Variants in FGF14 observed in about 807,000 individuals in gnomAD.
FGF14 encodes the protein fibroblast growth factor 14.
A neutral mutation model predicts 25.5 loss-of-function variants in FGF14; 5 were observed. The observed-to-expected ratio is 0.20, with a 90% CI of 0.10 to 0.41. The LOEUF is 0.41. Ranked by LOEUF, FGF14 falls within the 10% of genes least tolerant of loss-of-function variation. The probability of loss-of-function intolerance (pLI) is 1.00; values close to 1 mark genes in which losing one functional copy is unlikely to be tolerated. For missense variants in FGF14, 222 were observed against 320.1 expected, an observed-to-expected ratio of 0.69 and a Z score of 2.34; for synonymous variants, 138 against 118.3, an observed-to-expected ratio of 1.17 and a Z score of -1.08.
intron 1 of FGF14, among the ~76,000 whole-genome samples, chr13:102,014,895 T>A (rs1201848072): frequency 6.6e-6 from 1 of 152,140 alleles, no homozygotes; most frequent in Non-Finnish European, 1.5e-5. Context: ...TCAAAAAGAT[T>A]TTTCTATTCT....
intron 1 of FGF14, among the ~76,000 whole-genome samples, chr13:101,939,976 A>G (rs2035338920): frequency 6.6e-6 from 1 of 152,246 alleles, no homozygotes; most frequent in Admixed American, 6.5e-5. Context: ...ATATTACAAC[A>G]GACAGAACAA....
chr13:101,903,937 C>A (rs552547423), intron 1 of FGF14, among the ~76,000 whole-genome samples: 18 of 152,218 alleles, frequency 1.2e-4, no homozygotes, highest in African/African-American at 4.8e-5. Flanking sequence ...GTCATGGATA[C>A]CTTAAGTATC....
At chr13:101,739,303 A>C (rs890749310) in intron 3 of FGF14, among the ~76,000 whole-genome samples, 1 of 151,986 alleles carries the variant, frequency 6.6e-6, no homozygotes, top group Non-Finnish European at 1.5e-5. Context: ...TTTAGCCATC[A>C]CTGTTCTTGA....
intron 3 of FGF14, among the ~76,000 whole-genome samples, chr13:101,853,747 T>G (rs1473805120): frequency 6.6e-6 from 1 of 152,072 alleles, no homozygotes; most frequent in Non-Finnish European, 1.5e-5. Flanking sequence ...TGAGCCACCA[T>G]GCATGGCCAT....
intron 1 of FGF14, among the ~76,000 whole-genome samples, chr13:101,909,660 C>T (rs2139060832): frequency 6.6e-6 from 1 of 152,278 alleles, no homozygotes; most frequent in Non-Finnish European, 1.5e-5. Context: ...TAAACTAGTT[C>T]AACCATTGTG....
At chr13:102,148,140 G>T (rs2046930875) in intron 1 of FGF14, among the ~76,000 whole-genome samples, 1 of 152,070 alleles carries the variant, frequency 6.6e-6, no homozygotes, top group Non-Finnish European at 1.5e-5. Flanking sequence ...CATCCTACAT[G>T]AGAAGCTCAT....
rs766319111 is a variant in FGF14, at chr13:101,726,596, C to A, written c.607+16G>T. The A allele has an allele frequency of 6.2e-7, 1 of 1,608,480 alleles. No homozygotes were observed. ...GTAATAAGTCTATGTAATAATAATGCATGCATAATACTCACCTTCCAATGG... is the reference window on the plus strand; with the variant it reads ...GTAATAAGTCTATGTAATAATAATGAATGCATAATACTCACCTTCCAATGG... On this transcript the variant is annotated intron_variant, in intron 4 of 4. Transcript: ENST00000376143.
chr13:101,954,207 C>A (rs1396300954), intron 1 of FGF14, among the ~76,000 whole-genome samples: 1 of 151,442 alleles, frequency 6.6e-6, no homozygotes, highest in African/African-American at 2.4e-5. Context: ...TCAGACTCAA[C>A]TCTGTAACGT....
chr13:102,211,836 C>T (rs968009215), intron 1 of FGF14, among the ~76,000 whole-genome samples: 50 of 152,158 alleles, frequency 3.3e-4, no homozygotes, highest in Admixed American at 2.4e-3. Flanking sequence ...CACTCTAGAT[C>T]GCTTTTCATA....
chr13:101,870,339 A>T (rs1214232828), intron 2 of FGF14, among the ~76,000 whole-genome samples: 1 of 152,062 alleles, frequency 6.6e-6, no homozygotes, highest in African/African-American at 2.4e-5. Context: ...AAGAATGGGC[A>T]CCATAGAATA....
chr13:102,070,303 A>G (rs909713107), intron 1 of FGF14, among the ~76,000 whole-genome samples: 32 of 152,240 alleles, frequency 2.1e-4, no homozygotes, highest in African/African-American at 7.5e-4. Flanking sequence ...CATTGATCAG[A>G]GAAATGCAAA....
chr13:102,156,689 G>A (rs968346079), intron 1 of FGF14, among the ~76,000 whole-genome samples: 1 of 152,086 alleles, frequency 6.6e-6, no homozygotes, highest in Non-Finnish European at 1.5e-5. Context: ...GGAAATAAAT[G>A]GTATTCAATT....
At chr13:102,122,051 A>G (rs1348086320) in intron 1 of FGF14, among the ~76,000 whole-genome samples, 1 of 152,242 alleles carries the variant, frequency 6.6e-6, no homozygotes, top group Non-Finnish European at 1.5e-5. Flanking sequence ...GTGATTACAC[A>G]AATTCATGGG....
rs2052059196 is a variant in FGF14 at position 102,249,548 on chromosome 13, G to GT, written c.208+151922_208+151923insA. 4.3e-5 allele frequency among the ~76,000 whole-genome samples: 4 copies of GT among 93,568 alleles called. No homozygotes were observed. The East Asian group carries it at 1.2e-3, about 27-fold the overall frequency. 61.4% of individuals were successfully genotyped at this position (93,568 alleles called of 152,430 possible). A position where few individuals can be genotyped will look rare whatever the true frequency, so the allele number is the denominator to read the frequency against. Reference sequence around the variant, plus strand: ...GAGAATTATGGTATGGTACTGAGAGGGGTGTGTGTGTGTGTGTGTGTGTGT... The same window carrying GT: ...GAGAATTATGGTATGGTACTGAGAGGTGGTGTGTGTGTGTGTGTGTGTGTGT... On this transcript the variant is annotated intron_variant, in intron 1 of 4. Coordinates refer to the FGF14 transcript ENST00000376131.
chr13:101,937,393 G>A (rs551588963), intron 1 of FGF14, among the ~76,000 whole-genome samples: 1 of 152,250 alleles, frequency 6.6e-6, no homozygotes, highest in Admixed American at 6.5e-5. Context: ...TAATCTGACT[G>A]GTGTTCACAT....
At chr13:102,309,712 C>T (rs908555453) in intron 1 of FGF14, among the ~76,000 whole-genome samples, 3 of 152,154 alleles carry the variant, frequency 2.0e-5, no homozygotes, top group African/African-American at 7.2e-5. Flanking sequence ...AAGGATGAAG[C>T]AGCCACATAT....
At chr13:101,873,754 T>C (rs760484826) in intron 2 of FGF14, among the ~76,000 whole-genome samples, 1 of 152,126 alleles carries the variant, frequency 6.6e-6, no homozygotes, top group Non-Finnish European at 1.5e-5. Context: ...TCTTTGAAAG[T>C]TCAAACTAAT....
At chr13:102,153,296 T>C (rs1309241768) in intron 1 of FGF14, among the ~76,000 whole-genome samples, 1 of 152,222 alleles carries the variant, frequency 6.6e-6, no homozygotes, top group Non-Finnish European at 1.5e-5. Context: ...CTGATACGCA[T>C]ACATATTTTT....
At chr13:102,197,980 C>A (rs947392749) in intron 1 of FGF14, among the ~76,000 whole-genome samples, 3 of 152,160 alleles carry the variant, frequency 2.0e-5, no homozygotes, top group African/African-American at 7.2e-5. Flanking sequence ...GAAATCATGG[C>A]GAAGCAACAC....
Sources: gnomAD v4.1 joint callset for allele counts (sites outside exome capture counted in the v4.1 genomes callset) on GRCh38, gnomAD v4.1.1 for gene constraint, MANE v1.5 for transcripts, NCBI Gene and HGNC (gene_info 2026-07-23, HGNC 2026-07-21) for gene names.